Variants in USP46 observed in about 807,000 individuals in gnomAD.
USP46 encodes the protein ubiquitin specific peptidase 46, also known as ubiquitin carboxyl-terminal hydrolase 46.
A neutral mutation model predicts 44.4 loss-of-function variants in USP46; 12 were observed. The ratio of observed to expected loss-of-function variants is 0.27; its 90% CI spans 0.17 to 0.44. The LOEUF (loss-of-function observed/expected upper bound fraction) is 0.44, where lower values mean the gene tolerates loss of function less well. Among genes scored for constraint, USP46 ranks in the 20% least tolerant of loss-of-function variants. The pLI, the probability that USP46 is intolerant of heterozygous loss-of-function variation, is 1.00. For synonymous variants in USP46, 155 were observed against 161.5 expected (o/e 0.96, Z 0.31); for missense variants, 248 against 444.8 (o/e 0.56, Z 3.98).
At chr4:52,606,228 G>A (rs534844953) in intron 5 of USP46, among the ~76,000 whole-genome samples, 3 of 152,314 alleles carry the variant, frequency 2.0e-5, no homozygotes, top group African/African-American at 7.2e-5. Context: ...AAGTGTGCCA[G>A]GTGAACAAGT....
intron 3 of USP46, among the ~76,000 whole-genome samples, chr4:52,626,613 G>A (rs562665893): frequency 9.2e-5 from 14 of 152,208 alleles, no homozygotes; most frequent in South Asian, 8.3e-4. Flanking sequence ...GTGAGCCACC[G>A]CGCCTGGCCC....
rs898825658 is a variant in USP46, at chr4:52,591,299, T to A, written c.*6341A>T. ...TGATCAAATACACAGAAATAGTGGC[T>A]TCAATGATCAAGTTATTTTGCTTCT... On this transcript the variant is annotated 3_prime_UTR_variant, in exon 9 of 9. Transcript: ENST00000441222. The A allele has an allele frequency of 4.1e-4, 63 of 152,342 alleles. No individual in the cohort carries two copies. Among genetic ancestry groups the A allele is most frequent in the African/African-American group, 1.5e-3 (61 of 41,578 alleles). The allele number at this position is 152,342 out of a possible 1,614,324, so 9.4% of individuals were successfully genotyped here.
chr4:52,659,212 A>G lies in USP46; in HGVS notation c.-62T>C, dbSNP rs1235681784. 6 of 1,396,646 alleles carry G rather than the reference A, an allele frequency of 4.3e-6. No individual in the cohort carries two copies. In the East Asian group the frequency reaches 1.4e-4, roughly 33 times the overall value. 86.5% of individuals were successfully genotyped at this position (1,396,646 alleles called of 1,614,324 possible). ...TTACAAGGGGAAACCGGGACTGCCCATGGTGGCGCGCTGGCGGGGAGGCCG... is the reference window on the plus strand; with the variant it reads ...TTACAAGGGGAAACCGGGACTGCCCGTGGTGGCGCGCTGGCGGGGAGGCCG... On this transcript the variant is annotated 5_prime_UTR_variant, in exon 1 of 9. It removes an upstream start codon present in the reference 5' UTR. Coordinates refer to ENST00000441222, the MANE Select transcript of USP46 (RefSeq NM_022832.4). This position sits in a 1 kb window ranked among gnomAD's most constrained non-coding sequence, Gnocchi z 4.2.
chr4:52,657,689 G>A (rs1719006032), intron 1 of USP46, among the ~76,000 whole-genome samples: 2 of 152,116 alleles, frequency 1.3e-5, no homozygotes, highest in Admixed American at 1.3e-4. Context: ...TCCTCGCAGA[G>A]AAAGGAAAAA....
chr4:52,645,224 CAA>C (rs74266163), intron 1 of USP46, among the ~76,000 whole-genome samples: 23 of 79,812 alleles, frequency 2.9e-4, no homozygotes, highest in Admixed American at 7.1e-4. Context: ...GACTCTATCT[CAA>C]AAAAAAAAAA....
chr4:52,613,692 A>T (rs1196735809), intron 4 of USP46, among the ~76,000 whole-genome samples: 1 of 150,830 alleles, frequency 6.6e-6, no homozygotes, highest in Non-Finnish European at 1.5e-5. Flanking sequence ...ACTGCACTCT[A>T]GCCTGGGTGA....
chr4:52,627,870 C>T, intron 3 of USP46, 80 bp downstream of exon 3: 1 of 1,422,454 alleles, frequency 7.0e-7, no homozygotes, highest in South Asian at 1.5e-5. Flanking sequence ...AAAATGCCAG[C>T]TCTTCCTTTT....
Position 52,597,651 on chromosome 4 carries a change from A to C in USP46, c.1090T>G (p.Ser364Ala), listed in dbSNP as rs1223269905. The C allele has an allele frequency of 8.2e-6, 13 of 1,584,640 alleles. No individual in the cohort carries two copies. Among genetic ancestry groups the C allele is most frequent in the African/African-American group, 2.7e-5 (2 of 74,426 alleles). The part of the protein sequence containing the change: ...SESGYILFYQ[S>A]RE ...CGCAGGTCTTTCAGTTACTCTCTTG[A>C]CTGATAGAATAAAATATATCCAGAT... is the stretch of plus-strand genomic sequence containing the variant. The change falls in exon 9 of 9, where the codon TCA becomes GCA. Residue 364 changes from serine (S) to alanine (A), a missense_variant. Physicochemically the swap from Ser to Ala is moderately conservative, Grantham distance 99 (BLOSUM62 1). Around this residue, in one of 5 missense-constraint regions of USP46, gnomAD observed 28 missense variants for 28.5 expected, o/e 0.98. Coordinates refer to ENST00000441222, the MANE Select transcript of USP46 (RefSeq NM_022832.4).
At chr4:52,610,407 A>C in intron 5 of USP46, 134 bp downstream of exon 5, 1 of 753,170 alleles carries the variant, frequency 1.3e-6, no homozygotes, top group Non-Finnish European at 2.1e-6. Context: ...CTCTTGGGAA[A>C]GGAGAGATAG....
chr4:52,619,383 T>C (rs548093876), intron 4 of USP46, among the ~76,000 whole-genome samples: 1 of 152,152 alleles, frequency 6.6e-6, no homozygotes, highest in East Asian at 1.9e-4. Context: ...TTGAAGGAAC[T>C]AGCAGCTGAG....
intron 5 of USP46, among the ~76,000 whole-genome samples, chr4:52,604,796 A>T (rs1046277637): frequency 6.6e-6 from 1 of 152,184 alleles, no homozygotes; most frequent in Non-Finnish European, 1.5e-5. Flanking sequence ...ACGGTGGTAG[A>T]CATGCTCTTT....
chr4:52,629,762 G>C (rs185609921), intron 2 of USP46: 2 of 455,902 alleles, frequency 4.4e-6, no homozygotes, highest in African/African-American at 2.0e-5. Context: ...TTAAATAGGC[G>C]CTCTCATTTA....
rs183357499 is a variant in USP46, at chr4:52,631,251, C to T, written c.37-107G>A. The T allele has an allele frequency of 1.4e-3, 1,165 of 814,496 alleles. 1 individual carries two copies. The highest frequency in any genetic ancestry group is 2.0e-3 in the Non-Finnish European group (1,050 of 521,824). 50.5% of individuals were successfully genotyped at this position (814,496 alleles called of 1,614,324 possible). On this transcript the variant is annotated intron_variant, in intron 1 of 8. Coordinates refer to ENST00000441222, the MANE Select transcript of USP46 (RefSeq NM_022832.4). ...AGACAAGCATCTTCCCTGGTCAACACGGTATTTGTTGATGTTTGCACTGAA... is the reference window on the plus strand; with the variant it reads ...AGACAAGCATCTTCCCTGGTCAACATGGTATTTGTTGATGTTTGCACTGAA...
intron 4 of USP46, among the ~76,000 whole-genome samples, chr4:52,614,131 A>G (rs981228919): frequency 6.6e-6 from 1 of 152,198 alleles, no homozygotes; most frequent in African/African-American, 2.4e-5. Flanking sequence ...GAAATTATCC[A>G]ATGAGGACTA....
chr4:52,594,962 A>AC lies in USP46; in HGVS notation c.*2677_*2678insG, dbSNP rs1441553360. The AC allele has an allele frequency of 1.3e-5, 2 of 152,322 alleles. No homozygotes were observed. Among genetic ancestry groups the AC allele is most frequent in the East Asian group, 3.9e-4 (2 of 5,192 alleles). 9.4% of individuals were successfully genotyped at this position (152,322 alleles called of 1,614,324 possible). On this transcript the variant is annotated 3_prime_UTR_variant, in exon 9 of 9. Transcript: ENST00000441222. The stretch of plus-strand genomic sequence containing the variant: ...ACCAACATTTACTTTTAAACACATG[A>AC]TTTTTTAGCATGCTGTGCCATAACC...
intron 7 of USP46, among the ~76,000 whole-genome samples, chr4:52,599,442 G>T (rs1219773695): frequency 6.6e-6 from 1 of 152,126 alleles, no homozygotes; most frequent in Non-Finnish European, 1.5e-5. Flanking sequence ...GACCAGAGGG[G>T]GCTGAGGGGC....
At chr4:52,626,356 C>T in intron 3 of USP46, 109 bp from the exon 4 acceptor site, 1 of 898,720 alleles carries the variant, frequency 1.1e-6, no homozygotes, top group Non-Finnish European at 1.6e-6. Context: ...TGGAGTCTCG[C>T]TGTGTCGCCA....
At chr4:52,626,913 T>C (rs1473471414) in intron 3 of USP46, among the ~76,000 whole-genome samples, 3 of 152,212 alleles carry the variant, frequency 2.0e-5, no homozygotes, top group African/African-American at 7.2e-5. Flanking sequence ...TAATTATTCA[T>C]TGGGTAATTT....
chr4:52,602,108 A>T, intron 6 of USP46, 54 bp from the exon 7 acceptor site: 3 of 1,551,676 alleles, frequency 1.9e-6, no homozygotes, highest in African/African-American at 1.4e-5. Context: ...TTAGGGGAAG[A>T]GAATACACTG....
Sources: gnomAD v4.1 joint callset for allele counts (sites outside exome capture counted in the v4.1 genomes callset) on GRCh38, gnomAD v4.1.1 for gene constraint, gnomAD v4.1.1 regional missense constraint, Gnocchi (gnomAD v3.1) non-coding constraint, MANE v1.5 for transcripts, NCBI Gene and HGNC (gene_info 2026-07-23, HGNC 2026-07-21) for gene names.